The following TMEM45B variants were observed in gnomAD, a reference collection of about 807,000 sequenced individuals.
The protein encoded by TMEM45B is transmembrane protein 45B.
A neutral mutation model predicts 27.3 loss-of-function variants in TMEM45B; 29 were observed. That is an observed-to-expected ratio of 1.06 (90% CI 0.79 to 1.45). The LOEUF (loss-of-function observed/expected upper bound fraction) is 1.45. TMEM45B is among the 40% of genes most tolerant of loss of function. The pLI, the probability that TMEM45B is intolerant of heterozygous loss-of-function variation, is 0.00. For synonymous variants in TMEM45B, 143 were observed against 134.7 expected (o/e 1.06, Z -0.43); for missense variants, 348 against 343.9 (o/e 1.01, Z -0.09).
In TMEM45B at chr11:129,858,972, C is replaced by G. The variant is rs3087920; in HGVS notation, c.*287C>G. 41,210 of 173,764 alleles carry G rather than the reference C, an allele frequency of 0.24. 5,770 individuals carry two copies. Among genetic ancestry groups the G allele is most frequent in the Middle Eastern group, 0.33 (128 of 390 alleles). The allele number at this position is 173,764 out of a possible 1,614,324, so 10.8% of individuals were successfully genotyped here. ...GTAGCAGGCCTTTGTGCCTCAGTGT[C>G]AAGAGAAATCAAGAGATGCTAAAAG... On this transcript the variant is annotated 3_prime_UTR_variant, in exon 6 of 6. Transcript: ENST00000281441.
intron 1 of TMEM45B, among the ~76,000 whole-genome samples, chr11:129,826,857 A>G (rs1217303674): frequency 1.3e-5 from 2 of 151,376 alleles, no homozygotes; most frequent in Non-Finnish European, 2.9e-5. Context: ...ACAGGCACCC[A>G]CCACCATGCC....
At chr11:129,846,084 C>G (rs914356564) in intron 1 of TMEM45B, among the ~76,000 whole-genome samples, 1 of 152,176 alleles carries the variant, frequency 6.6e-6, no homozygotes, top group Non-Finnish European at 1.5e-5. Flanking sequence ...TTTGACAGAT[C>G]TTTTAGCCCT....
intron 1 of TMEM45B, among the ~76,000 whole-genome samples, chr11:129,831,681 T>TGAA: frequency 6.6e-6 from 1 of 152,210 alleles, no homozygotes; most frequent in Non-Finnish European, 1.5e-5. Flanking sequence ...CTTCACAGCA[T>TGAA]CATTATTCAT....
intron 1 of TMEM45B, among the ~76,000 whole-genome samples, chr11:129,829,855 AG>A (rs1259771097): frequency 6.6e-6 from 1 of 152,258 alleles, no homozygotes; most frequent in Non-Finnish European, 1.5e-5. Flanking sequence ...GTTATAGGCA[AG>A]GTCCTTCTGT....
At chr11:129,819,377 G>A (rs1347642949) in intron 1 of TMEM45B, among the ~76,000 whole-genome samples, 2 of 152,192 alleles carry the variant, frequency 1.3e-5, no homozygotes, top group African/African-American at 4.8e-5. Context: ...GGCTGGGAAA[G>A]GGGTTCCGAT....
rs184280144 is a variant in TMEM45B at position 129,837,931 on chromosome 11, G to A, written c.-8-14544G>A. ...CGATTAGCTGGGACTACAGGTGCCC[G>A]CCACCATGCCCAGCTAATTTTTGCA... On this transcript the variant is annotated intron_variant, in intron 1 of 5. Transcript: ENST00000281441. Among the ~76,000 whole-genome samples the A allele has an allele frequency of 3.9e-3, 585 of 151,222 alleles. 2 individuals carry two copies. The highest frequency in any genetic ancestry group is 0.013 in the African/African-American group (536 of 41,248).
At chr11:129,853,545 G>A (rs1180843144) in intron 2 of TMEM45B, among the ~76,000 whole-genome samples, 1 of 152,220 alleles carries the variant, frequency 6.6e-6, no homozygotes, top group Non-Finnish European at 1.5e-5. Context: ...AAAGGATCAG[G>A]ACAGCATCAA....
At chr11:129,818,200 T>C (rs534702831) in intron 1 of TMEM45B, among the ~76,000 whole-genome samples, 2 of 152,216 alleles carry the variant, frequency 1.3e-5, no homozygotes, top group East Asian at 3.9e-4. Context: ...ACAAATAGAC[T>C]ATTTGAATTT....
chr11:129,829,049 C>T (rs1296419948), intron 1 of TMEM45B, among the ~76,000 whole-genome samples: 2 of 152,196 alleles, frequency 1.3e-5, no homozygotes, highest in Non-Finnish European at 1.5e-5. Context: ...TCAGGTAAGC[C>T]TCACAGGATC....
In TMEM45B at chr11:129,854,736, T is replaced by C. The variant is rs776557629; in HGVS notation, c.305T>C (p.Val102Ala). 1.1e-5 allele frequency: 17 copies of C among 1,614,124 alleles called. No homozygotes were observed. Among genetic ancestry groups the C allele is most frequent in the East Asian group, 2.2e-5 (1 of 44,892 alleles). Residue 102 changes from valine to alanine, a missense_variant, in exon 3 of 6, where the codon GTT (valine) becomes GCT (alanine). By Grantham distance (64) the Val-to-Ala change is moderately conservative. Transcript: ENST00000281441. ...CTATTCTTTGCAGTCTCAGGAATTGTTGACATGCTCACCTATCTGGTCAGC... is the reference window on the plus strand; with the variant it reads ...CTATTCTTTGCAGTCTCAGGAATTGCTGACATGCTCACCTATCTGGTCAGC... ...MYLFFAVSGI[V>A]DMLTYLVSHV...
At chr11:129,831,320 T>C (rs1947544326) in intron 1 of TMEM45B, among the ~76,000 whole-genome samples, 1 of 152,182 alleles carries the variant, frequency 6.6e-6, no homozygotes, top group Non-Finnish European at 1.5e-5. Flanking sequence ...CATCACTACT[T>C]TTTCATTTTG....
chr11:129,858,455 C>A, intron 5 of TMEM45B, 119 bp from the exon 6 acceptor site: 1 of 631,956 alleles, frequency 1.6e-6, no homozygotes, highest in Non-Finnish European at 2.7e-6. Context: ...GACATGTAAT[C>A]ACAGTATTTG....
chr11:129,824,509 AGG>A (rs1236804456), intron 1 of TMEM45B, among the ~76,000 whole-genome samples: 1 of 152,226 alleles, frequency 6.6e-6, no homozygotes, highest in Non-Finnish European at 1.5e-5. Flanking sequence ...GTAGAAATCA[AGG>A]GACTTACCTA....
At chr11:129,850,707 C>T (rs752320857) in intron 1 of TMEM45B, 3 of 152,202 alleles carry the variant, frequency 2.0e-5, no homozygotes, top group African/African-American at 4.8e-5. Context: ...CCTTCACCAT[C>T]GGTATCTCTA....
chr11:129,831,033 T>A (rs1411956476), intron 1 of TMEM45B, among the ~76,000 whole-genome samples: 1 of 152,214 alleles, frequency 6.6e-6, no homozygotes. Flanking sequence ...AAACCTTATA[T>A]ACACTATATT....
intron 1 of TMEM45B, among the ~76,000 whole-genome samples, chr11:129,831,217 C>A (rs183065310): frequency 6.6e-6 from 1 of 152,136 alleles, no homozygotes; most frequent in African/African-American, 2.4e-5. Context: ...GCAATCTCAG[C>A]GTACTAATTT....
intron 3 of TMEM45B, 48 bp from the exon 4 acceptor site, chr11:129,855,660 G>T: frequency 1.2e-6 from 2 of 1,605,976 alleles, no homozygotes; most frequent in South Asian, 2.2e-5. Flanking sequence ...CTTCGGTGAT[G>T]GTGAAAGCCA....
rs530764496 is a variant in TMEM45B, at chr11:129,854,501, C to T, written c.179-109C>T. On this transcript the variant is annotated intron_variant, in intron 2 of 5. Coordinates refer to ENST00000281441, the MANE Select transcript of TMEM45B (RefSeq NM_138788.5). ...GTAGCTCTGCTGACCCGCGGGCCACCCTCACCTCACCCCATCTCCGCTTCG... is the reference window on the plus strand; with the variant it reads ...GTAGCTCTGCTGACCCGCGGGCCACTCTCACCTCACCCCATCTCCGCTTCG... The T allele has an allele frequency of 2.5e-4, 286 of 1,132,960 alleles. 3 individuals carry two copies. The African/African-American group carries it at 3.8e-3, about 15-fold the overall frequency. 70.2% of individuals were successfully genotyped at this position (1,132,960 alleles called of 1,614,324 possible). A position where few individuals can be genotyped will look rare whatever the true frequency, so the allele number is the denominator to read the frequency against.
chr11:129,848,358 C>T (rs1407320002), intron 1 of TMEM45B, among the ~76,000 whole-genome samples: 1 of 152,196 alleles, frequency 6.6e-6, no homozygotes, highest in Non-Finnish European at 1.5e-5. Flanking sequence ...CAAAAAAATA[C>T]GAAAACCCGT....
Sources: allele counts gnomAD v4.1 joint callset (sites outside exome capture counted in the v4.1 genomes callset), GRCh38; gene constraint gnomAD v4.1.1; transcripts MANE v1.5; gene names NCBI Gene and HGNC (gene_info 2026-07-23, HGNC 2026-07-21).